Variants in MAP3K4 observed in about 807,000 individuals in gnomAD.
MAP3K4 encodes mitogen-activated protein kinase kinase kinase 4.
MAP3K4 carries 67 observed loss-of-function variants against 185.6 expected under a neutral mutation model. The ratio of observed to expected loss-of-function variants is 0.36; its 90% CI spans 0.30 to 0.44. MAP3K4 has a LOEUF of 0.44. Among genes scored for constraint, MAP3K4 ranks in the 20% least tolerant of loss-of-function variants. MAP3K4 has a pLI of 1.00. For missense variants in MAP3K4, 1,551 were observed against 1,995.1 expected, an observed-to-expected ratio of 0.78 and a Z score of 4.24; for synonymous variants, 702 against 710.4, an observed-to-expected ratio of 0.99 and a Z score of 0.19.
rs774002744 is a variant in MAP3K4 at position 161,075,788 on chromosome 6, C to A, written c.2097+2176C>A. On this transcript the variant is annotated intron_variant, in intron 5 of 26. Transcript: ENST00000392142. This position sits in a 1 kb window ranked among gnomAD's most constrained non-coding sequence, Gnocchi z 4.3. The stretch of plus-strand genomic sequence containing the variant: ...AGAAAGGCTTAGAGTTTAGTTTTGG[C>A]ATTACTGTCAATTATCCACATCTCT... Among the ~76,000 whole-genome samples the A allele has an allele frequency of 6.6e-6, 1 of 152,152 alleles. No individual in the cohort carries two copies. The highest frequency in any genetic ancestry group is 1.5e-5 in the Non-Finnish European group (1 of 68,032).
At chr6:161,028,628 G>T (rs1782781423) in intron 1 of MAP3K4, among the ~76,000 whole-genome samples, 1 of 151,882 alleles carries the variant, frequency 6.6e-6, no homozygotes, top group Non-Finnish European at 1.5e-5. Flanking sequence ...TTGTTGGGGA[G>T]ATAGCTTCTT....
intron 19 of MAP3K4, 23 bp downstream of exon 19, chr6:161,102,802 TAAAAAA>T (rs397886595): frequency 2.7e-4 from 163 of 604,262 alleles, no homozygotes; most frequent in South Asian, 5.8e-4. Flanking sequence ...GTGTTGAAGT[TAAAAAA>T]AAAAAAAAAA....
In MAP3K4 at chr6:161,097,237, C is replaced by T. The variant is rs1472876849; in HGVS notation, c.3524+61C>T. On this transcript the variant is annotated intron_variant, in intron 16 of 26. Transcript: ENST00000392142. This position sits in a 1 kb window ranked among gnomAD's most constrained non-coding sequence, Gnocchi z 4.9. ...GTGCCCTCCGATATGCATGCTCATA[C>T]TTTTGAAACTACTAGATGCTTGCTC... 6 of 1,364,756 alleles carry T rather than the reference C, an allele frequency of 4.4e-6. No individual in the cohort carries two copies. Among genetic ancestry groups the T allele is most frequent in the African/African-American group, 1.4e-5 (1 of 69,920 alleles). 84.5% of individuals were successfully genotyped at this position (1,364,756 alleles called of 1,614,324 possible). A position where few individuals can be genotyped will look rare whatever the true frequency, so the allele number is the denominator to read the frequency against.
intron 2 of MAP3K4, among the ~76,000 whole-genome samples, chr6:161,038,202 A>G (rs530317998): frequency 5.3e-5 from 8 of 152,286 alleles, no homozygotes; most frequent in Non-Finnish European, 1.2e-4. Flanking sequence ...ACCTAGTTCC[A>G]GGTCAAGTAG....
chr6:161,097,034 G>T lies in MAP3K4; in HGVS notation c.3428-46G>T. ...TGACTGTTTGGTTTGATGATTTTCT[G>T]TGGACCATATTAACAAGTTGCATTT... On this transcript the variant is annotated intron_variant, in intron 15 of 26. Coordinates refer to ENST00000392142, the MANE Select transcript of MAP3K4 (RefSeq NM_005922.4). This position sits in a 1 kb window ranked among gnomAD's most constrained non-coding sequence, Gnocchi z 4.9. The T allele has an allele frequency of 6.7e-7, 1 of 1,487,658 alleles. No individual in the cohort carries two copies. 92.2% of individuals were successfully genotyped at this position (1,487,658 alleles called of 1,614,324 possible).
chr6:160,994,908 T>C (rs896343942), intron 1 of MAP3K4, among the ~76,000 whole-genome samples: 2 of 152,108 alleles, frequency 1.3e-5, no homozygotes, highest in Non-Finnish European at 2.9e-5. Flanking sequence ...ACCAAGTTGG[T>C]CAGGCTTGTC....
chr6:161,065,937 CAAAAAAA>C (rs34648628), intron 3 of MAP3K4, among the ~76,000 whole-genome samples: 2 of 78,848 alleles, frequency 2.5e-5, no homozygotes, highest in African/African-American at 4.7e-5. Flanking sequence ...GACTCCGTCT[CAAAAAAA>C]AAAAAAAAAA....
Position 161,017,222 on chromosome 6 carries a change from T to A in MAP3K4, c.153-17037T>A, listed in dbSNP as rs1782157832. Among the ~76,000 whole-genome samples the A allele has an allele frequency of 6.6e-6, 1 of 152,226 alleles. No homozygotes were observed. Among genetic ancestry groups the A allele is most frequent in the Non-Finnish European group, 1.5e-5 (1 of 68,026 alleles). On this transcript the variant is annotated intron_variant, in intron 1 of 26. Coordinates refer to ENST00000392142, the MANE Select transcript of MAP3K4 (RefSeq NM_005922.4). The surrounding 1 kb of genome is among the most constrained non-coding windows in gnomAD (Gnocchi z 5.1). ...GGAGGGATACATTTGTATAATTAAATGTAGGTTTTCGGAAATTGAGTGTTT... is the reference window on the plus strand; with the variant it reads ...GGAGGGATACATTTGTATAATTAAAAGTAGGTTTTCGGAAATTGAGTGTTT...
rs972101992 is a variant in MAP3K4 at position 161,064,976 on chromosome 6, A to C, written c.1708-5632A>C. ...TTTAATTGGTGGATTTAAAGCAAGC[A>C]GGCACAAATTCCAGGAGGTCACGCT... On this transcript the variant is annotated intron_variant, in intron 3 of 26. Transcript: ENST00000392142. This position sits in a 1 kb window ranked among gnomAD's most constrained non-coding sequence, Gnocchi z 4.3. 3.3e-5 allele frequency among the ~76,000 whole-genome samples: 5 copies of C among 152,204 alleles called. No individual in the cohort carries two copies. The highest frequency in any genetic ancestry group is 2.6e-4 in the Admixed American group (4 of 15,286).
chr6:161,066,970 T>G (rs1034539749), intron 3 of MAP3K4, among the ~76,000 whole-genome samples: 8 of 152,256 alleles, frequency 5.3e-5, no homozygotes, highest in African/African-American at 1.7e-4. Context: ...AAACATTGTT[T>G]TCTGATATCA....
Position 161,092,006 on chromosome 6 carries a change from A to C in MAP3K4, c.3136-4A>C, listed in dbSNP as rs376137087. 2.6e-5 allele frequency: 42 copies of C among 1,606,714 alleles called. No homozygotes were observed. The highest frequency in any genetic ancestry group is 3.5e-5 in the Non-Finnish European group (41 of 1,173,564). On this transcript the variant is annotated splice_polypyrimidine_tract_variant and splice_region_variant and intron_variant, in intron 12 of 26. Coordinates refer to ENST00000392142, the MANE Select transcript of MAP3K4 (RefSeq NM_005922.4). ...ATGTTGATATACATGAAATCTTCTT[A>C]CAGTATCATAAAGAAGTTGTTCGTT...
chr6:161,016,588 A>C (rs889339632), intron 1 of MAP3K4, among the ~76,000 whole-genome samples: 3 of 152,180 alleles, frequency 2.0e-5, no homozygotes, highest in African/African-American at 7.2e-5. Context: ...CCGTTTGTTA[A>C]AAAGACTGTC....
rs1236963372 is a variant in MAP3K4 at position 161,096,428 on chromosome 6, TACTG to T, written c.3428-649_3428-646del. Among the ~76,000 whole-genome samples, 2 of 152,208 alleles carry T rather than the reference TACTG, an allele frequency of 1.3e-5. No individual in the cohort carries two copies. The highest frequency in any genetic ancestry group is 2.9e-5 in the Non-Finnish European group (2 of 68,040). On this transcript the variant is annotated intron_variant, in intron 15 of 26. Coordinates refer to ENST00000392142, the MANE Select transcript of MAP3K4 (RefSeq NM_005922.4). This position sits in a 1 kb window ranked among gnomAD's most constrained non-coding sequence, Gnocchi z 4.9. ...GCAAAATATGACGCATGTCCACTAA[TACTG>T]ACATCTAGTTATTGGGAAAGTGGAA... is the stretch of plus-strand genomic sequence containing the variant.
Position 160,991,855 on chromosome 6 carries a change from C to G in MAP3K4, c.-77C>G. On this transcript the variant is annotated 5_prime_UTR_variant, in exon 1 of 27. Coordinates refer to ENST00000392142, the MANE Select transcript of MAP3K4 (RefSeq NM_005922.4). The surrounding 1 kb of genome is among the most constrained non-coding windows in gnomAD (Gnocchi z 5.7). ...GGCGGAGGCGGAGTCGAGTCACTCCCGCACTTCGGGGCTCCGGTGCCCCGC... is the reference window on the plus strand; with the variant it reads ...GGCGGAGGCGGAGTCGAGTCACTCCGGCACTTCGGGGCTCCGGTGCCCCGC... 7.1e-7 allele frequency: 1 copy of G among 1,410,094 alleles called. No individual in the cohort carries two copies. The highest frequency in any genetic ancestry group is 9.2e-7 in the Non-Finnish European group (1 of 1,091,740). 87.3% of individuals were successfully genotyped at this position (1,410,094 alleles called of 1,614,324 possible).
At chr6:161,003,835 AT>A (rs1302144283) in intron 1 of MAP3K4, among the ~76,000 whole-genome samples, 7 of 152,068 alleles carry the variant, frequency 4.6e-5, no homozygotes, top group African/African-American at 1.7e-4. Context: ...TCATTCCAAA[AT>A]TTTTTTAAAC....
Position 161,053,335 on chromosome 6 carries a change from A to G in MAP3K4, c.1707+3356A>G, listed in dbSNP as rs1428303767. 1.3e-5 allele frequency among the ~76,000 whole-genome samples: 2 copies of G among 152,186 alleles called. No individual in the cohort carries two copies. The highest frequency in any genetic ancestry group is 2.9e-5 in the Non-Finnish European group (2 of 68,024). ...CCTCCCACCAGGCCCCACCCCCAACATTGGGGATTACTATTCAACATAGGG... is the reference window on the plus strand; with the variant it reads ...CCTCCCACCAGGCCCCACCCCCAACGTTGGGGATTACTATTCAACATAGGG... On this transcript the variant is annotated intron_variant, in intron 3 of 26. Transcript: ENST00000392142. The surrounding 1 kb of genome is among the most constrained non-coding windows in gnomAD (Gnocchi z 4.2).
At chr6:161,011,105 G>C (rs939905723) in intron 1 of MAP3K4, among the ~76,000 whole-genome samples, 2 of 152,192 alleles carry the variant, frequency 1.3e-5, no homozygotes, top group Admixed American at 1.3e-4. Context: ...AGAAAGAGAA[G>C]GTGGAGAGAA....
chr6:161,003,647 G>A (rs143178805), intron 1 of MAP3K4, among the ~76,000 whole-genome samples: 24 of 152,200 alleles, frequency 1.6e-4, no homozygotes, highest in Non-Finnish European at 3.1e-4. Flanking sequence ...GTGCTGTCAG[G>A]GAAGCAGCAA....
chr6:160,994,919 T>C (rs1044972097), intron 1 of MAP3K4, among the ~76,000 whole-genome samples: 4 of 152,214 alleles, frequency 2.6e-5, no homozygotes, highest in African/African-American at 9.6e-5. Flanking sequence ...CAGGCTTGTC[T>C]TGAACTCCTG....
Sources: gnomAD v4.1 joint callset for allele counts (sites outside exome capture counted in the v4.1 genomes callset) on GRCh38, gnomAD v4.1.1 for gene constraint, Gnocchi (gnomAD v3.1) non-coding constraint, MANE v1.5 for transcripts, NCBI Gene and HGNC (gene_info 2026-07-23, HGNC 2026-07-21) for gene names.